CADM2: variants seen among roughly 807,000 people sequenced by gnomAD.
CADM2 encodes the protein immunoglobulin superfamily member 4D.
A neutral mutation model predicts 49.8 loss-of-function variants in CADM2; 12 were observed. The ratio of observed to expected loss-of-function variants is 0.24; its 90% CI spans 0.15 to 0.39. CADM2 has a LOEUF of 0.39. Ranked by LOEUF, CADM2 falls within the 10% of genes least tolerant of loss-of-function variation. The pLI, the probability that CADM2 is intolerant of heterozygous loss-of-function variation, is 1.00. For synonymous variants in CADM2, 214 were observed against 175.4 expected, an observed-to-expected ratio of 1.22 and a Z score of -1.74; for missense variants, 378 against 492.3, an observed-to-expected ratio of 0.77 and a Z score of 2.20.
At chr3:85,384,980 G>T (rs1284186118) in intron 1 of CADM2, among the ~76,000 whole-genome samples, 9 of 152,006 alleles carry the variant, frequency 5.9e-5, no homozygotes, top group Non-Finnish European at 1.2e-4. Context: ...GTGTGGCCCA[G>T]GCTGGAGTGT....
intron 8 of CADM2, among the ~76,000 whole-genome samples, chr3:85,985,132 A>G (rs1404932808): frequency 6.6e-6 from 1 of 151,962 alleles, no homozygotes; most frequent in Non-Finnish European, 1.5e-5. Context: ...CTTACACATA[A>G]CAAATATTTA....
At chr3:85,941,643 C>A (rs1721927339) in intron 7 of CADM2, among the ~76,000 whole-genome samples, 1 of 151,984 alleles carries the variant, frequency 6.6e-6, no homozygotes, top group South Asian at 2.1e-4. Context: ...AAGTTTAGAT[C>A]AATTTGCAAG....
intron 1 of CADM2, among the ~76,000 whole-genome samples, chr3:85,024,446 T>C (rs1190134215): frequency 6.6e-6 from 1 of 152,104 alleles, no homozygotes; most frequent in Non-Finnish European, 1.5e-5. Flanking sequence ...TATCCTATGT[T>C]GTATATGTTA....
At chr3:85,766,418 C>G (rs2069659399) in intron 2 of CADM2, among the ~76,000 whole-genome samples, 1 of 152,130 alleles carries the variant, frequency 6.6e-6, no homozygotes, top group African/African-American at 2.4e-5. Flanking sequence ...TAAAACTGTT[C>G]AGATGGATAA....
intron 1 of CADM2, among the ~76,000 whole-genome samples, chr3:85,586,170 C>T (rs921941194): frequency 3.3e-5 from 5 of 152,006 alleles, no homozygotes; most frequent in African/African-American, 1.2e-4. Context: ...TTAAAATGTA[C>T]CACAACAGTC....
At chr3:85,603,121 A>G (rs1456861494) in intron 1 of CADM2, among the ~76,000 whole-genome samples, 1 of 151,786 alleles carries the variant, frequency 6.6e-6, no homozygotes, top group African/African-American at 2.4e-5. Flanking sequence ...ACAGCATTTT[A>G]TTCATGTTTG....
chr3:85,695,535 TTTAA>T (rs1391927684), intron 1 of CADM2, among the ~76,000 whole-genome samples: 1 of 151,918 alleles, frequency 6.6e-6, no homozygotes, highest in Non-Finnish European at 1.5e-5. Context: ...TTTTATTCAT[TTTAA>T]TTGTTAAGTA....
intron 8 of CADM2, among the ~76,000 whole-genome samples, chr3:85,999,429 C>T (rs896581451): frequency 3.3e-5 from 5 of 151,704 alleles, no homozygotes; most frequent in South Asian, 2.1e-4. Context: ...CACTTGAACC[C>T]GGGAGGTGAA....
At chr3:85,284,392 CA>C (rs1222929563) in intron 1 of CADM2, among the ~76,000 whole-genome samples, 1 of 151,914 alleles carries the variant, frequency 6.6e-6, no homozygotes, top group African/African-American at 2.4e-5. Flanking sequence ...TAAACACACC[CA>C]TATATGTCAG....
intron 1 of CADM2, among the ~76,000 whole-genome samples, chr3:85,317,671 T>C (rs1183678050): frequency 6.6e-6 from 1 of 152,136 alleles, no homozygotes; most frequent in Non-Finnish European, 1.5e-5. Flanking sequence ...ACCTTTTTTA[T>C]AGTGGGATTT....
At chr3:85,441,417 CG>C (rs1467741670) in intron 1 of CADM2, among the ~76,000 whole-genome samples, 1 of 151,720 alleles carries the variant, frequency 6.6e-6, no homozygotes, top group Non-Finnish European at 1.5e-5. Flanking sequence ...TGCTGGTAGT[CG>C]GCAAAATTAA....
chr3:85,129,352 ATC>A (rs1470959439), intron 1 of CADM2, among the ~76,000 whole-genome samples: 4 of 152,102 alleles, frequency 2.6e-5, no homozygotes, highest in African/African-American at 4.8e-5. Flanking sequence ...TAATATTTAT[ATC>A]TCTTTTTATT....
chr3:85,536,644 A>C (rs547688102), intron 1 of CADM2, among the ~76,000 whole-genome samples: 1 of 152,186 alleles, frequency 6.6e-6, no homozygotes, highest in South Asian at 2.1e-4. Flanking sequence ...CAGCCTTTTC[A>C]CTGAGAATCT....
chr3:85,769,281 A>G (rs1359806708), intron 2 of CADM2, among the ~76,000 whole-genome samples: 10 of 126,484 alleles, frequency 7.9e-5, no homozygotes, highest in Non-Finnish European at 1.2e-4. Context: ...ATACATATAT[A>G]CATATATAGT....
chr3:85,362,881 T>G (rs2032459071), intron 1 of CADM2, among the ~76,000 whole-genome samples: 1 of 152,204 alleles, frequency 6.6e-6, no homozygotes, highest in Admixed American at 6.5e-5. Context: ...AAATATATAG[T>G]TAAAGGCATA....
chr3:85,137,935 C>T (rs11127879), intron 1 of CADM2, among the ~76,000 whole-genome samples: 2,666 of 152,116 alleles, frequency 0.018, 152 homozygotes, highest in Admixed American at 0.09. Context: ...TATCCTTAAT[C>T]TCAATAGATA....
At chr3:85,059,654 T>C (rs1365436885) in intron 1 of CADM2, among the ~76,000 whole-genome samples, 4 of 152,156 alleles carry the variant, frequency 2.6e-5, no homozygotes, top group Non-Finnish European at 4.4e-5. Flanking sequence ...ACTGCTCTCA[T>C]GATAGTGAGT....
Position 85,579,576 on chromosome 3 carries a change from T to C in CADM2, c.62-146946T>C, listed in dbSNP as rs115867989. ...TAACATGCAATGAAATAGCTGTTGA[T>C]TTATTCTGAGTAATTACACTTACTT... On this transcript the variant is annotated intron_variant, in intron 1 of 9. Coordinates refer to ENST00000383699, the MANE Select transcript of CADM2 (RefSeq NM_001167675.2). Among the ~76,000 whole-genome samples the C allele has an allele frequency of 2.4e-3, 359 of 152,294 alleles. 2 individuals carry two copies. Among genetic ancestry groups the C allele is most frequent in the Middle Eastern group, 0.01 (3 of 294 alleles).
intron 1 of CADM2, among the ~76,000 whole-genome samples, chr3:85,422,600 T>C (rs1280842622): frequency 6.6e-6 from 1 of 152,146 alleles, no homozygotes; most frequent in East Asian, 1.9e-4. Flanking sequence ...TACTTCCATA[T>C]TATAGCTTCA....
Sources: gnomAD v4.1 joint callset for allele counts (sites outside exome capture counted in the v4.1 genomes callset) on GRCh38, gnomAD v4.1.1 for gene constraint, MANE v1.5 for transcripts, NCBI Gene and HGNC (gene_info 2026-07-23, HGNC 2026-07-21) for gene names.